Variants in LTBP1 observed in about 807,000 individuals in gnomAD.
LTBP1 encodes latent transforming growth factor beta binding protein 1, also known as latent-transforming growth factor beta-binding protein 1.
LTBP1 carries 129 observed loss-of-function variants against 207.6 expected under a neutral mutation model. That is an observed-to-expected ratio of 0.62 (90% confidence interval 0.54 to 0.72). The LOEUF is 0.72. Among genes scored for constraint, LTBP1 ranks in the 30% least tolerant of loss-of-function variants. The pLI, the probability that LTBP1 is intolerant of heterozygous loss-of-function variation, is 0.00. For synonymous variants in LTBP1, 963 were observed against 833.7 expected (o/e 1.16, Z -2.67); for missense variants, 2,281 against 2,217.2 (o/e 1.03, Z -0.58).
At chr2:33,033,042 A>G (rs996217103) in intron 3 of LTBP1, among the ~76,000 whole-genome samples, 1 of 152,234 alleles carries the variant, frequency 6.6e-6, no homozygotes. Flanking sequence ...ATCAAGCTCC[A>G]TTAGGAAGTC....
At chr2:32,981,374 C>T (rs955759917) in intron 2 of LTBP1, among the ~76,000 whole-genome samples, 3 of 152,100 alleles carry the variant, frequency 2.0e-5, no homozygotes, top group Non-Finnish European at 4.4e-5. Flanking sequence ...GTTTCTGTTC[C>T]AGTAAATTGT....
rs1300173213 is a variant in LTBP1 at position 33,347,440 on chromosome 2, G to A, written c.3930G>A (p.Leu1310=). Residue 1310 remains leucine (L), a synonymous_variant, in exon 26 of 34, where the codon CTG becomes CTA. Coordinates refer to ENST00000404816, the MANE Select transcript of LTBP1 (RefSeq NM_206943.4). ...AFCENVEGSF[L]CVCADENQEY... is the part of the protein sequence containing the mutation. The stretch of plus-strand genomic sequence containing the variant: ...GTGAAAACGTGGAAGGGTCCTTCCT[G>A]TGCGTGTGTGCTGATGAAAACCAAG... 1.2e-6 allele frequency: 2 copies of A among 1,614,216 alleles called. No individual in the cohort carries two copies. Among genetic ancestry groups the A allele is most frequent in the East Asian group, 2.2e-5 (1 of 44,884 alleles).
chr2:33,252,080 T>C (rs2092701874), intron 10 of LTBP1, among the ~76,000 whole-genome samples: 1 of 152,230 alleles, frequency 6.6e-6, no homozygotes, highest in Non-Finnish European at 1.5e-5. Context: ...ATCTCTTCCT[T>C]CTCTGGTGTA....
intron 2 of LTBP1, among the ~76,000 whole-genome samples, chr2:32,984,027 G>A (rs1266721008): frequency 6.6e-6 from 1 of 152,158 alleles, no homozygotes; most frequent in African/African-American, 2.4e-5. Flanking sequence ...TTCCCATTGG[G>A]AGGGTTTTGA....
At chr2:33,029,973 A>C (rs2075615932) in intron 3 of LTBP1, among the ~76,000 whole-genome samples, 1 of 152,172 alleles carries the variant, frequency 6.6e-6, no homozygotes, top group Admixed American at 6.5e-5. Flanking sequence ...AGCTGTTCCC[A>C]AATGTTTAGA....
chr2:33,122,949 A>G (rs780042430), intron 4 of LTBP1, among the ~76,000 whole-genome samples: 15 of 152,144 alleles, frequency 9.9e-5, no homozygotes, highest in Middle Eastern at 3.2e-3. Flanking sequence ...TACAAGTTCT[A>G]TTTCTACTCT....
chr2:33,327,842 A>G (rs2094446557), intron 24 of LTBP1, among the ~76,000 whole-genome samples: 1 of 152,026 alleles, frequency 6.6e-6, no homozygotes, highest in Non-Finnish European at 1.5e-5. Flanking sequence ...GTTGGTGTTT[A>G]AAATGCATGT....
chr2:33,350,621 T>G (rs72861404), intron 26 of LTBP1, among the ~76,000 whole-genome samples: 4,142 of 152,304 alleles, frequency 0.027, 206 homozygotes, highest in African/African-American at 0.095. Flanking sequence ...GCCTTAATGT[T>G]TTTTACTGCC....
At chr2:33,070,087 C>T (rs1468482427) in intron 3 of LTBP1, among the ~76,000 whole-genome samples, 2 of 152,218 alleles carry the variant, frequency 1.3e-5, no homozygotes, top group African/African-American at 4.8e-5. Context: ...GTCACATTCT[C>T]TCTGCCGGAA....
intron 20 of LTBP1, among the ~76,000 whole-genome samples, chr2:33,297,665 C>T (rs1481088288): frequency 1.3e-5 from 2 of 152,118 alleles, no homozygotes; most frequent in Non-Finnish European, 2.9e-5. Flanking sequence ...ACCTTGTGAT[C>T]CGCCCACCTC....
chr2:33,378,222 T>TGTTTTG (rs751259400), intron 31 of LTBP1, among the ~76,000 whole-genome samples: 1 of 141,824 alleles, frequency 7.1e-6, no homozygotes, highest in Non-Finnish European at 1.5e-5. Context: ...TGTGTGTGTG[T>TGTTTTG]TTTGTTTGTT....
chr2:33,375,828 C>T (rs188561653), intron 31 of LTBP1, among the ~76,000 whole-genome samples: 1 of 151,814 alleles, frequency 6.6e-6, no homozygotes, highest in Admixed American at 6.6e-5. Context: ...AGGTGTCAGC[C>T]ACTGCGCCCG....
At chr2:33,349,269 G>T (rs1193408333) in intron 26 of LTBP1, among the ~76,000 whole-genome samples, 1 of 152,148 alleles carries the variant, frequency 6.6e-6, no homozygotes, top group Admixed American at 6.5e-5. Context: ...GGCCAACAAG[G>T]TGAAACCCTG....
In LTBP1 at chr2:33,020,891, T is replaced by C; in HGVS notation, c.566-18T>C. 1 of 1,555,148 alleles carries C rather than the reference T, an allele frequency of 6.4e-7. No homozygotes were observed. The highest frequency in any genetic ancestry group is 8.7e-7 in the Non-Finnish European group (1 of 1,145,568). On this transcript the variant is annotated intron_variant, in intron 2 of 33. Coordinates refer to ENST00000404816, the MANE Select transcript of LTBP1 (RefSeq NM_206943.4). Reference sequence around the variant, plus strand: ...AATGTTGTTCTTCAAAGCTGTGCCTTCTGTTTTCTTTCTGCAGCTAGCTGT... The same window carrying C: ...AATGTTGTTCTTCAAAGCTGTGCCTCCTGTTTTCTTTCTGCAGCTAGCTGT...
At chr2:33,145,568 C>T (rs916870051) in intron 5 of LTBP1, among the ~76,000 whole-genome samples, 3 of 152,170 alleles carry the variant, frequency 2.0e-5, no homozygotes, top group Admixed American at 6.5e-5. Flanking sequence ...TGTCACTTTT[C>T]GCCACTGCAT....
chr2:33,081,554 CTGTAA>C (rs1373939483), intron 3 of LTBP1, among the ~76,000 whole-genome samples: 1 of 152,034 alleles, frequency 6.6e-6, no homozygotes, highest in Admixed American at 6.6e-5. Context: ...ATCTCGGGCT[CTGTAA>C]TGTTGAAAGG....
chr2:33,327,001 A>C (rs938821388), intron 24 of LTBP1, among the ~76,000 whole-genome samples: 5 of 152,218 alleles, frequency 3.3e-5, no homozygotes, highest in Non-Finnish European at 5.9e-5. Context: ...GTTCAAAAAA[A>C]TCAAGATGTT....
intron 3 of LTBP1, among the ~76,000 whole-genome samples, chr2:33,075,095 A>T (rs891269478): frequency 6.6e-6 from 1 of 152,084 alleles, no homozygotes; most frequent in African/African-American, 2.4e-5. Flanking sequence ...AAAAAAAAAG[A>T]TGTTGTGGTG....
chr2:33,038,495 G>C (rs976496202), intron 3 of LTBP1, among the ~76,000 whole-genome samples: 1 of 152,150 alleles, frequency 6.6e-6, no homozygotes, highest in African/African-American at 2.4e-5. Context: ...CATTTCCCTG[G>C]ATTCATGCTC....
Sources: allele counts gnomAD v4.1 joint callset (sites outside exome capture counted in the v4.1 genomes callset), GRCh38; gene constraint gnomAD v4.1.1; transcripts MANE v1.5; gene names NCBI Gene and HGNC (gene_info 2026-07-23, HGNC 2026-07-21).